The following ZNF585B variants were observed in gnomAD, a reference collection of about 807,000 sequenced individuals.
ZNF585B encodes the protein zinc finger protein 585B.
In ZNF585B, 7 loss-of-function variants were observed where a neutral mutation model predicts 14.0. That is an observed-to-expected ratio of 0.50 (90% CI 0.28 to 0.94). The LOEUF is 0.94. ZNF585B is among the 40% of genes least tolerant of loss of function. The probability of loss-of-function intolerance (pLI) is 0.09; values close to 1 mark genes in which losing one functional copy is unlikely to be tolerated. For synonymous variants in ZNF585B, 290 were observed against 317.3 expected (o/e 0.91, Z 0.91); for missense variants, 750 against 924.4 (o/e 0.81, Z 2.45).
Position 37,186,402 on chromosome 19 carries a change from C to T in ZNF585B, c.1135G>A (p.Glu379Lys). 6.2e-7 allele frequency: 1 copy of T among 1,614,180 alleles called. No homozygotes were observed. Among genetic ancestry groups the T allele is most frequent in the East Asian group, 2.2e-5 (1 of 44,872 alleles). The change falls in exon 5 of 5, where the codon GAG becomes AAG. Residue 379 changes from glutamate (E) to lysine (K), a missense_variant. Around this residue, in one of 2 missense-constraint regions of ZNF585B, gnomAD observed 517 missense variants for 570.3 expected, o/e 0.91. Transcript: ENST00000532828. ...CAGTCACTGCATTCATAAGGTTTCT[C>T]TCCAGTGTGAATTCTCTGATGAATA... ...LIIHQRIHTG[E>K]KPYECSDCGR...
intron 2 of ZNF585B, among the ~76,000 whole-genome samples, chr19:37,190,823 C>CA (rs1416691424): frequency 2.0e-5 from 3 of 152,150 alleles, no homozygotes; most frequent in Admixed American, 2.0e-4. Context: ...CTCGGCTTCC[C>CA]AAAGTGCTGG....
chr19:37,205,801 G>A (rs375202002), intron 2 of ZNF585B, among the ~76,000 whole-genome samples: 190 of 152,062 alleles, frequency 1.2e-3, no homozygotes, highest in African/African-American at 4.4e-3. Context: ...CACCCAGGCC[G>A]GGCATGGTGT....
At chr19:37,192,137 T>C (rs1032998347) in intron 2 of ZNF585B, among the ~76,000 whole-genome samples, 3 of 152,160 alleles carry the variant, frequency 2.0e-5, no homozygotes, top group Non-Finnish European at 4.4e-5. Context: ...ATTATGCTAC[T>C]CCTGAGGACA....
chr19:37,198,256 C>T (rs1972491503), intron 2 of ZNF585B, among the ~76,000 whole-genome samples: 2 of 152,188 alleles, frequency 1.3e-5, no homozygotes, highest in South Asian at 4.1e-4. Context: ...ACTGCAACCT[C>T]CGCCTCCCGT....
chr19:37,186,600 G>A lies in ZNF585B; in HGVS notation c.937C>T (p.Leu313Phe), dbSNP rs1218522871. ...GTGTGAACACGTTGATGTACCTGAA[G>A]TTGTGACTTGGAAATGAAGGATTTG... ...CGKSFISKSQLQVHQRVHTRV... is the reference protein window; with the variant it reads ...CGKSFISKSQFQVHQRVHTRV... Residue 313 changes from leucine (L) to phenylalanine (F), a missense_variant, in exon 5 of 5, where the codon CTT (leucine) becomes TTT (phenylalanine). This residue lies in a region of ZNF585B where 517 missense variants were observed against 570.3 expected (regional missense o/e 0.91). Coordinates refer to ENST00000532828, the MANE Select transcript of ZNF585B (RefSeq NM_152279.4). 6 of 1,614,092 alleles carry A rather than the reference G, an allele frequency of 3.7e-6. No individual in the cohort carries two copies. The highest frequency in any genetic ancestry group is 2.5e-6 in the Non-Finnish European group (3 of 1,180,042).
chr19:37,206,692 G>A (rs1382728366), intron 2 of ZNF585B, among the ~76,000 whole-genome samples: 2 of 152,160 alleles, frequency 1.3e-5, no homozygotes, highest in African/African-American at 4.8e-5. Flanking sequence ...TGTTTGAGGA[G>A]GTGGTTTAGG....
chr19:37,203,378 G>T (rs1054003808), intron 2 of ZNF585B, among the ~76,000 whole-genome samples: 1 of 151,196 alleles, frequency 6.6e-6, no homozygotes, highest in African/African-American at 2.4e-5. Context: ...TAGGAGGGAG[G>T]CTGAGGCAGG....
At chr19:37,198,090 G>C (rs1294341964) in intron 2 of ZNF585B, among the ~76,000 whole-genome samples, 4 of 152,140 alleles carry the variant, frequency 2.6e-5, no homozygotes, top group Non-Finnish European at 5.9e-5. Flanking sequence ...ATATATACGA[G>C]GGTGTACACT....
At chr19:37,189,788 C>T (rs1972379603) in intron 3 of ZNF585B, 35 bp from the exon 4 acceptor site, 1 of 1,613,294 alleles carries the variant, frequency 6.2e-7, no homozygotes, top group African/African-American at 1.3e-5. Context: ...CTGGGTCCAG[C>T]TAATTACGTT....
At chr19:37,194,330 T>C (rs2145437097) in intron 2 of ZNF585B, among the ~76,000 whole-genome samples, 1 of 152,244 alleles carries the variant, frequency 6.6e-6, no homozygotes, top group Non-Finnish European at 1.5e-5. Flanking sequence ...AAGAAAAGTA[T>C]TGGCTGGGTG....
chr19:37,193,734 T>C (rs998588241), intron 2 of ZNF585B, among the ~76,000 whole-genome samples: 5 of 152,118 alleles, frequency 3.3e-5, no homozygotes, highest in Non-Finnish European at 2.9e-5. Context: ...GAGCCGTTAA[T>C]GCACCACTGC....
rs766818076 is a variant in ZNF585B, at chr19:37,186,558, T to C, written c.979A>G (p.Ile327Val). 2.0e-5 allele frequency: 32 copies of C among 1,614,098 alleles called. No homozygotes were observed. The highest frequency in any genetic ancestry group is 3.3e-5 in the Admixed American group (2 of 60,010). The change falls in exon 5 of 5, where the codon ATA becomes GTA. Residue 327 changes from isoleucine to valine, a missense_variant. Ile to Val is a conservative substitution (Grantham distance 29). This residue lies in a region of ZNF585B where 517 missense variants were observed against 570.3 expected (regional missense o/e 0.91). Coordinates refer to ENST00000532828, the MANE Select transcript of ZNF585B (RefSeq NM_152279.4). ...AAGACCTTCCCATATTCGGTACATA[T>C]ATAGGGCTTCACTCTTGTGTGAACA... ...QRVHTRVKPYICTEYGKVFSN... is the reference protein window; with the variant it reads ...QRVHTRVKPYVCTEYGKVFSN...
Position 37,204,470 on chromosome 19 carries a change from T to C in ZNF585B, c.72+2570A>G, listed in dbSNP as rs764008018. ...CTCTGACCATCATGGTGTAAGATGA[T>C]ACCAAGACCACTCTGTCGTTATATT... On this transcript the variant is annotated intron_variant, in intron 2 of 4. Transcript: ENST00000532828. 2.9e-4 allele frequency among the ~76,000 whole-genome samples: 44 copies of C among 152,226 alleles called. 1 individual carries two copies. The highest frequency in any genetic ancestry group is 8.8e-5 in the Non-Finnish European group (6 of 68,038).
rs35092477 is a variant in ZNF585B at position 37,184,443 on chromosome 19, GGAAAGAAAGAAAGAAAGAAAGAAAGAAA to G, written c.*756_*783del. The G allele has an allele frequency of 1.5e-4, 9 of 58,854 alleles. 1 individual carries two copies. The highest frequency in any genetic ancestry group is 1.4e-3 in the Admixed American group (7 of 5,090). 3.6% of individuals were successfully genotyped at this position (58,854 alleles called of 1,614,324 possible). On this transcript the variant is annotated 3_prime_UTR_variant, in exon 5 of 5. Coordinates refer to ENST00000532828, the MANE Select transcript of ZNF585B (RefSeq NM_152279.4). ...GAAAGAAAGAAAAAGAAAGAAAGAA[GGAAAGAAAGAAAGAAAGAAAGAAAGAAA>G]GAAAGAAAGAAAGAAAGAAAGAAAG...
chr19:37,198,503 C>A (rs2145440283), intron 2 of ZNF585B, among the ~76,000 whole-genome samples: 1 of 152,068 alleles, frequency 6.6e-6, no homozygotes, highest in Admixed American at 6.6e-5. Context: ...TTTGGGAGGC[C>A]AAGGCGCAGA....
chr19:37,198,876 A>C, intron 2 of ZNF585B: 10 of 979,908 alleles, frequency 1.0e-5, no homozygotes, highest in Non-Finnish European at 1.5e-5. Flanking sequence ...ATGGAAGTGG[A>C]AAGAAAAGTA....
chr19:37,206,604 T>C (rs1271361774), intron 2 of ZNF585B, among the ~76,000 whole-genome samples: 2 of 151,918 alleles, frequency 1.3e-5, no homozygotes, highest in Non-Finnish European at 2.9e-5. Context: ...AGGAAATACA[T>C]AGAAAATAGT....
At chr19:37,206,982 G>C (rs374949566) in intron 2 of ZNF585B, 58 bp downstream of exon 2, 1 of 1,605,856 alleles carries the variant, frequency 6.2e-7, no homozygotes, top group African/African-American at 1.3e-5. Flanking sequence ...TGTGGTGACA[G>C]ATTAGAGCTA....
intron 2 of ZNF585B, among the ~76,000 whole-genome samples, chr19:37,204,443 A>G (rs1972564460): frequency 6.6e-6 from 1 of 152,242 alleles, no homozygotes; most frequent in Admixed American, 6.5e-5. Context: ...AACAAGACCA[A>G]TCTCTGACCA....
Sources: gnomAD v4.1 joint callset for allele counts (sites outside exome capture counted in the v4.1 genomes callset) on GRCh38, gnomAD v4.1.1 for gene constraint, gnomAD v4.1.1 regional missense constraint, MANE v1.5 for transcripts, NCBI Gene and HGNC (gene_info 2026-07-23, HGNC 2026-07-21) for gene names.